The following DGKG variants were observed in gnomAD, a reference collection of about 807,000 sequenced individuals.
DGKG encodes diacylglycerol kinase gamma.
In DGKG, 78 loss-of-function variants were observed where a neutral mutation model predicts 105.3. That is an observed-to-expected ratio of 0.74 (90% CI 0.62 to 0.89). The LOEUF is 0.89. Ranked by LOEUF, DGKG falls within the 40% of genes least tolerant of loss-of-function variation. DGKG has a pLI of 0.00. For synonymous variants in DGKG, 346 were observed against 367.1 expected (o/e 0.94, Z 0.66); for missense variants, 958 against 1,020.1 (o/e 0.94, Z 0.83).
chr3:186,268,721 C>T (rs1031675524), intron 12 of DGKG, 80 bp downstream of exon 12: 53 of 1,025,914 alleles, frequency 5.2e-5, no homozygotes, highest in Admixed American at 2.7e-4. Flanking sequence ...GCCCTCTGGC[C>T]GGATATTCAC....
In DGKG at chr3:186,147,721, GTC is replaced by G. The variant is rs1715568310; in HGVS notation, c.*2367_*2368del. The G allele has an allele frequency of 1.0e-6, 1 of 985,304 alleles. No individual in the cohort carries two copies. The highest frequency in any genetic ancestry group is 1.7e-5 in the African/African-American group (1 of 57,236). The allele number at this position is 985,304 out of a possible 1,614,324, so 61.0% of individuals were successfully genotyped here. On this transcript the variant is annotated 3_prime_UTR_variant, in exon 25 of 25. Coordinates refer to ENST00000265022, the MANE Select transcript of DGKG (RefSeq NM_001346.3). ...CAATTTCACCTGTTGATAGTGCCAT[GTC>G]TCAATAGCCTCAATCTTGGGGATCA...
chr3:186,275,468 T>G (rs372451551), intron 10 of DGKG, 79 bp downstream of exon 10: 10 of 1,252,162 alleles, frequency 8.0e-6, no homozygotes, highest in African/African-American at 4.4e-5. Context: ...ATACCAACAT[T>G]TTCTCTGCAA....
chr3:186,223,441 T>C (rs1719698606), intron 20 of DGKG, among the ~76,000 whole-genome samples: 1 of 152,106 alleles, frequency 6.6e-6, no homozygotes, highest in Non-Finnish European at 1.5e-5. Context: ...ATCGGCTGGT[T>C]AGAGGCATCT....
At chr3:186,185,539 G>C (rs919335192) in intron 22 of DGKG, among the ~76,000 whole-genome samples, 1 of 152,198 alleles carries the variant, frequency 6.6e-6, no homozygotes, top group African/African-American at 2.4e-5. Context: ...GGGTGGTGGA[G>C]AGTCGAAGTG....
intron 1 of DGKG, among the ~76,000 whole-genome samples, chr3:186,327,490 A>G (rs1031870305): frequency 2.0e-5 from 3 of 151,260 alleles, no homozygotes; most frequent in African/African-American, 7.3e-5. Context: ...GGGTTAAGCA[A>G]TCCTCCCACT....
chr3:186,251,323 C>T (rs919714793), intron 19 of DGKG, among the ~76,000 whole-genome samples: 1 of 152,078 alleles, frequency 6.6e-6, no homozygotes, highest in East Asian at 1.9e-4. Flanking sequence ...AGAAGGAAAT[C>T]TGAGGGCTAA....
At chr3:186,245,086 C>G (rs1303269953) in intron 19 of DGKG, among the ~76,000 whole-genome samples, 1 of 152,136 alleles carries the variant, frequency 6.6e-6, no homozygotes, top group African/African-American at 2.4e-5. Context: ...CTTCGCTATC[C>G]CCTACCCCCA....
chr3:186,309,085 T>A (rs1724392873), intron 2 of DGKG, among the ~76,000 whole-genome samples: 1 of 152,134 alleles, frequency 6.6e-6, no homozygotes. Flanking sequence ...AAGAAAGGTG[T>A]AATTAAGGGT....
At chr3:186,181,438 A>G (rs908352463) in intron 22 of DGKG, among the ~76,000 whole-genome samples, 1 of 152,220 alleles carries the variant, frequency 6.6e-6, no homozygotes, top group Admixed American at 6.5e-5. Flanking sequence ...ACCCATTTAT[A>G]ACCTTCTCTA....
chr3:186,186,651 T>C (rs1320509704), intron 22 of DGKG, among the ~76,000 whole-genome samples: 1 of 152,170 alleles, frequency 6.6e-6, no homozygotes, highest in Non-Finnish European at 1.5e-5. Flanking sequence ...TAGTAGCAGG[T>C]CTTGGACTAG....
rs1017761862 is a variant in DGKG, at chr3:186,148,347, C to G, written c.*1743G>C. 17 of 985,298 alleles carry G rather than the reference C, an allele frequency of 1.7e-5. No individual in the cohort carries two copies. The African/African-American group carries it at 3.0e-4, about 17-fold the overall frequency. 61.0% of individuals were successfully genotyped at this position (985,298 alleles called of 1,614,324 possible). On this transcript the variant is annotated 3_prime_UTR_variant, in exon 25 of 25. Coordinates refer to ENST00000265022, the MANE Select transcript of DGKG (RefSeq NM_001346.3). ...TTCCAAACTAAGAGACTATGATGAC[C>G]ATGATGAGGTGACATGTGGAGAGTT...
At chr3:186,339,783 C>T (rs984267462) in intron 1 of DGKG, among the ~76,000 whole-genome samples, 7 of 152,126 alleles carry the variant, frequency 4.6e-5, no homozygotes, top group South Asian at 4.1e-4. Context: ...CAGCAGTACC[C>T]GGAAATCTAT....
chr3:186,219,506 T>C (rs1560101183), intron 20 of DGKG, among the ~76,000 whole-genome samples: 1 of 152,238 alleles, frequency 6.6e-6, no homozygotes, highest in Admixed American at 6.5e-5. Flanking sequence ...GTTTTTGTAC[T>C]CTGAATGTGA....
In DGKG at chr3:186,305,228, A is replaced by G. The variant is rs141093636; in HGVS notation, c.144+1673T>C. Among the ~76,000 whole-genome samples, 7 of 152,336 alleles carry G rather than the reference A, an allele frequency of 4.6e-5. No homozygotes were observed. In the East Asian group the frequency reaches 1.2e-3, roughly 25 times the overall value. ...AGCAGGGGGATAGGAAATGTCAGAA[A>G]GAGGGCTTCAAGTTTTAGATGAAGA... On this transcript the variant is annotated intron_variant, in intron 3 of 24. Transcript: ENST00000265022.
intron 22 of DGKG, 86 bp downstream of exon 22, chr3:186,188,116 G>C: frequency 6.8e-7 from 1 of 1,465,560 alleles, no homozygotes; most frequent in South Asian, 1.2e-5. Flanking sequence ...CTGGGCTGTG[G>C]GGCCTTACGA....
At chr3:186,356,678 G>T (rs910969398) in intron 1 of DGKG, among the ~76,000 whole-genome samples, 1 of 152,096 alleles carries the variant, frequency 6.6e-6, no homozygotes, top group Non-Finnish European at 1.5e-5. Context: ...AGAAAACTAG[G>T]ACAAGAGTGA....
chr3:186,245,916 A>G (rs1212740984), intron 19 of DGKG, among the ~76,000 whole-genome samples: 4 of 145,666 alleles, frequency 2.7e-5, no homozygotes, highest in Non-Finnish European at 6.0e-5. Flanking sequence ...ACAAACAAAC[A>G]AAAAAACAAC....
At chr3:186,277,053 A>T in intron 9 of DGKG, among the ~76,000 whole-genome samples, 1 of 152,212 alleles carries the variant, frequency 6.6e-6, no homozygotes, top group Non-Finnish European at 1.5e-5. Flanking sequence ...CTTCCAGGAC[A>T]TGAGTTTTAT....
rs138905568 is a variant in DGKG at position 186,313,377 on chromosome 3, G to A, written c.68-6400C>T. 1.0e-3 allele frequency: 492 copies of A among 480,682 alleles called. 1 individual carries two copies. Among genetic ancestry groups the A allele is most frequent in the African/African-American group, 9.4e-3 (446 of 47,566 alleles). The allele number at this position is 480,682 out of a possible 1,614,324, so 29.8% of individuals were successfully genotyped here. ...AAATTGGGGTCAATAGCAATAAAAC[G>A]TTTTTTAAGACACAATTTTTTTGTC... On this transcript the variant is annotated intron_variant, in intron 2 of 24. Transcript: ENST00000265022.
Sources: allele counts gnomAD v4.1 joint callset (sites outside exome capture counted in the v4.1 genomes callset), GRCh38; gene constraint gnomAD v4.1.1; transcripts MANE v1.5; gene names NCBI Gene and HGNC (gene_info 2026-07-23, HGNC 2026-07-21).